TYW1: variants seen among roughly 807,000 people sequenced by gnomAD.
The protein encoded by TYW1 is S-adenosyl-L-methionine-dependent tRNA 4-demethylwyosine synthase TYW1.
In TYW1, 46 loss-of-function variants were observed where a neutral mutation model predicts 96.2. The ratio of observed to expected loss-of-function variants is 0.48; its 90% CI spans 0.38 to 0.61. The LOEUF (loss-of-function observed/expected upper bound fraction) is 0.61. TYW1 is among the 20% of genes least tolerant of loss of function. The pLI, the probability that TYW1 is intolerant of heterozygous loss-of-function variation, is 0.00. For missense variants in TYW1, 684 were observed against 909.6 expected (o/e 0.75, Z 3.19); for synonymous variants, 274 against 323.0 (o/e 0.85, Z 1.63).
intron 3 of TYW1, among the ~76,000 whole-genome samples, chr7:67,007,085 C>T (rs758133038): frequency 4.0e-5 from 6 of 149,942 alleles, no homozygotes; most frequent in Non-Finnish European, 7.4e-5. Flanking sequence ...CAACCTGTGG[C>T]TGACGTCCTT....
At chr7:67,082,188 T>C (rs1429382569) in intron 10 of TYW1, among the ~76,000 whole-genome samples, 1 of 152,138 alleles carries the variant, frequency 6.6e-6, no homozygotes, top group Non-Finnish European at 1.5e-5. Flanking sequence ...TTTCTTGCTA[T>C]TTCATGTTTT....
intron 13 of TYW1, among the ~76,000 whole-genome samples, chr7:67,133,345 T>C (rs1798146574): frequency 6.6e-6 from 1 of 152,024 alleles, no homozygotes; most frequent in East Asian, 1.9e-4. Flanking sequence ...AGTCTCACTA[T>C]GTTGCCCAGC....
At chr7:67,132,476 A>G (rs1202944210) in intron 13 of TYW1, among the ~76,000 whole-genome samples, 1 of 152,190 alleles carries the variant, frequency 6.6e-6, no homozygotes, top group African/African-American at 2.4e-5. Context: ...AGTGTTTTCC[A>G]TATTTTAAAA....
intron 12 of TYW1, among the ~76,000 whole-genome samples, chr7:67,112,821 C>T (rs1004828112): frequency 4.6e-5 from 7 of 152,108 alleles, no homozygotes; most frequent in Non-Finnish European, 1.0e-4. Flanking sequence ...CAGAACGGTG[C>T]GCTGTGCTGG....
Position 67,239,364 on chromosome 7 carries a change from G to A in TYW1, c.*835G>A. ...GTCTCCATCTTCTTTCACTCCTGTGGCCCTGGCTGCTTTACACAATCTGTT... is the reference window on the plus strand; with the variant it reads ...GTCTCCATCTTCTTTCACTCCTGTGACCCTGGCTGCTTTACACAATCTGTT... On this transcript the variant is annotated 3_prime_UTR_variant, in exon 16 of 16. Coordinates refer to ENST00000359626, the MANE Select transcript of TYW1 (RefSeq NM_018264.4). 2.0e-6 allele frequency: 2 copies of A among 985,226 alleles called. No homozygotes were observed. The highest frequency in any genetic ancestry group is 2.4e-6 in the Non-Finnish European group (2 of 829,780). The allele number at this position is 985,226 out of a possible 1,614,324, so 61.0% of individuals were successfully genotyped here.
intron 8 of TYW1, among the ~76,000 whole-genome samples, chr7:67,054,209 A>C (rs893025325): frequency 6.6e-6 from 1 of 152,218 alleles, no homozygotes; most frequent in South Asian, 2.1e-4. Context: ...ATTTTCAGCA[A>C]CTGTACACTG....
intron 9 of TYW1, among the ~76,000 whole-genome samples, chr7:67,065,511 C>T (rs1795828030): frequency 6.6e-6 from 1 of 152,116 alleles, no homozygotes; most frequent in South Asian, 2.1e-4. Context: ...GTTTTCAGTG[C>T]TATTTACAAG....
At chr7:67,090,560 A>T (rs3980755) in intron 11 of TYW1, among the ~76,000 whole-genome samples, 2,335 of 152,288 alleles carry the variant, frequency 0.015, 29 homozygotes, top group Admixed American at 0.043. Context: ...AGGTGTTCAG[A>T]ATAAGAAAAA....
chr7:67,052,062 C>T (rs10273674), intron 8 of TYW1, among the ~76,000 whole-genome samples: 36,822 of 151,874 alleles, frequency 0.24, 4,745 homozygotes, highest in African/African-American at 0.32. Flanking sequence ...TCTCCCAACC[C>T]CCTGCTACTT....
intron 13 of TYW1, among the ~76,000 whole-genome samples, chr7:67,130,833 C>T (rs140802931): frequency 6.6e-6 from 1 of 152,300 alleles, no homozygotes; most frequent in African/African-American, 2.4e-5. Context: ...CTGCATTTGG[C>T]ACTTCTGGGT....
At chr7:66,997,216 C>T (rs1252829960) in intron 1 of TYW1, among the ~76,000 whole-genome samples, 3 of 152,128 alleles carry the variant, frequency 2.0e-5, no homozygotes, top group African/African-American at 7.2e-5. Flanking sequence ...ACTTTACCTA[C>T]GTGTATTAGG....
At chr7:67,045,210 T>TA (rs199920354) in intron 7 of TYW1, among the ~76,000 whole-genome samples, 1 of 152,020 alleles carries the variant, frequency 6.6e-6, no homozygotes, top group African/African-American at 2.4e-5. Context: ...ATTTTTTTTT[T>TA]AAATTTTTTT....
intron 13 of TYW1, among the ~76,000 whole-genome samples, chr7:67,175,021 G>A (rs377279021): frequency 2.0e-5 from 3 of 151,076 alleles, no homozygotes; most frequent in Non-Finnish European, 1.5e-5. Flanking sequence ...TTAAAACCTC[G>A]TCCAAAGGAA....
chr7:67,182,080 C>T (rs548196038), intron 13 of TYW1, among the ~76,000 whole-genome samples: 22 of 152,260 alleles, frequency 1.4e-4, no homozygotes, highest in Admixed American at 8.5e-4. Context: ...CCCCGCACCT[C>T]GGCCTCCCAA....
intron 13 of TYW1, among the ~76,000 whole-genome samples, chr7:67,126,923 G>A (rs952039617): frequency 6.6e-6 from 1 of 151,874 alleles, no homozygotes; most frequent in Non-Finnish European, 1.5e-5. Flanking sequence ...CTATTTGTTG[G>A]TCTTGTTCTT....
At chr7:67,160,093 C>T (rs1044738821) in intron 13 of TYW1, among the ~76,000 whole-genome samples, 6 of 152,130 alleles carry the variant, frequency 3.9e-5, no homozygotes, top group East Asian at 3.9e-4. Flanking sequence ...TGAGCCACCA[C>T]GCCTGGCCCC....
chr7:67,137,228 A>C (rs894278225), intron 13 of TYW1, among the ~76,000 whole-genome samples: 3 of 152,180 alleles, frequency 2.0e-5, no homozygotes, highest in Non-Finnish European at 4.4e-5. Flanking sequence ...TATTCTAGGC[A>C]GGTCCTTGGA....
intron 7 of TYW1, among the ~76,000 whole-genome samples, chr7:67,026,137 A>G (rs1438476681): frequency 1.3e-5 from 2 of 152,132 alleles, no homozygotes; most frequent in South Asian, 2.1e-4. Context: ...CAGTGGTGCA[A>G]TCTCGGCTCA....
chr7:67,129,255 A>G (rs1797993451), intron 13 of TYW1, among the ~76,000 whole-genome samples: 1 of 152,210 alleles, frequency 6.6e-6, no homozygotes, highest in South Asian at 2.1e-4. Flanking sequence ...ATGCTCTGAC[A>G]CATGTCAAAT....
Sources: gnomAD v4.1 joint callset for allele counts (sites outside exome capture counted in the v4.1 genomes callset) on GRCh38, gnomAD v4.1.1 for gene constraint, MANE v1.5 for transcripts, NCBI Gene and HGNC (gene_info 2026-07-23, HGNC 2026-07-21) for gene names.